Variants in THEMIS observed in about 807,000 individuals in gnomAD.
THEMIS encodes the protein thymocyte selection associated.
In THEMIS, 37 loss-of-function variants were observed where a neutral mutation model predicts 52.6. The ratio of observed to expected loss-of-function variants is 0.70; its 90% CI spans 0.54 to 0.93. The LOEUF (loss-of-function observed/expected upper bound fraction) is 0.93. Among genes scored for constraint, THEMIS ranks in the 40% least tolerant of loss-of-function variants. THEMIS has a pLI of 0.00. For synonymous variants in THEMIS, 292 were observed against 272.7 expected, an observed-to-expected ratio of 1.07 and a Z score of -0.70; for missense variants, 808 against 763.1, an observed-to-expected ratio of 1.06 and a Z score of -0.69.
At chr6:127,759,376 T>C (rs1481604035) in intron 4 of THEMIS, among the ~76,000 whole-genome samples, 1 of 152,196 alleles carries the variant, frequency 6.6e-6, no homozygotes, top group East Asian at 1.9e-4. Flanking sequence ...CCCTAATCAC[T>C]GGACTCATAT....
rs540498836 is a variant in THEMIS, at chr6:127,742,446, ACT to A, written c.1759-22625_1759-22624del. On this transcript the variant is annotated intron_variant, in intron 4 of 5. Transcript: ENST00000368248. ...ATTTAAAAAAAACCTAAAAGCAGAG[ACT>A]CTAACAGATATTTGTAACTAATGTT... Among the ~76,000 whole-genome samples, 504 of 152,222 alleles carry A rather than the reference ACT, an allele frequency of 3.3e-3. 4 individuals are homozygous for A. The highest frequency in any genetic ancestry group is 0.011 in the African/African-American group (462 of 41,530).
intron 1 of THEMIS, chr6:127,910,186 A>G (rs1781375742): frequency 6.6e-6 from 1 of 152,160 alleles, no homozygotes; most frequent in African/African-American, 2.4e-5. Context: ...AAGACTAAGT[A>G]AAAGGCTTGT....
At chr6:127,837,954 T>G (rs1778926035) in intron 2 of THEMIS, among the ~76,000 whole-genome samples, 1 of 152,090 alleles carries the variant, frequency 6.6e-6, no homozygotes, top group Non-Finnish European at 1.5e-5. Flanking sequence ...GGCATTTAAG[T>G]TGATTCTATT....
At chr6:127,714,008 T>G (rs1450546592) in intron 5 of THEMIS, among the ~76,000 whole-genome samples, 1 of 151,822 alleles carries the variant, frequency 6.6e-6, no homozygotes, top group Non-Finnish European at 1.5e-5. Context: ...TAGACTTGGT[T>G]GGTAGCAGTA....
intron 4 of THEMIS, among the ~76,000 whole-genome samples, chr6:127,780,039 C>G (rs1200544159): frequency 6.6e-6 from 1 of 152,160 alleles, no homozygotes; most frequent in African/African-American, 2.4e-5. Flanking sequence ...GTCTAAGTCT[C>G]TTTGTAGGTC....
intron 5 of THEMIS, among the ~76,000 whole-genome samples, chr6:127,718,842 AG>A (rs1300227155): frequency 1.4e-4 from 21 of 151,900 alleles, no homozygotes; most frequent in Admixed American, 1.3e-3. Context: ...GTCAGAAGCC[AG>A]TAAGCTAACT....
chr6:127,824,415 A>G (rs1191108516), intron 3 of THEMIS, among the ~76,000 whole-genome samples: 2 of 152,130 alleles, frequency 1.3e-5, no homozygotes, highest in African/African-American at 4.8e-5. Context: ...CCTAAATTTG[A>G]GGAATGCTGC....
At chr6:127,790,886 G>T (rs1466800249) in intron 4 of THEMIS, among the ~76,000 whole-genome samples, 2 of 152,222 alleles carry the variant, frequency 1.3e-5, no homozygotes, top group African/African-American at 4.8e-5. Context: ...GAGGCACACT[G>T]CAAGTAGCTT....
At chr6:127,805,874 T>C (rs933787235) in intron 4 of THEMIS, among the ~76,000 whole-genome samples, 2 of 152,106 alleles carry the variant, frequency 1.3e-5, no homozygotes, top group Non-Finnish European at 2.9e-5. Context: ...TTGACAAATA[T>C]AGTAATGGAA....
chr6:127,755,917 C>T (rs554361705), intron 4 of THEMIS, among the ~76,000 whole-genome samples: 2 of 151,958 alleles, frequency 1.3e-5, no homozygotes, highest in South Asian at 2.1e-4. Flanking sequence ...CTCCCAGCTA[C>T]TCAGGAGACT....
In THEMIS at chr6:127,812,919, T is replaced by C. The variant is rs375173118; in HGVS notation, c.1722A>G (p.Ala574=). Residue 574 remains alanine, a synonymous_variant, in exon 4 of 6, where the codon GCA becomes GCG. Transcript: ENST00000368248. ...EETKLTLLTL[A]EERTVDLPKS... ...TGGGCAGGTCTACCGTCCTTTCTTC[T>C]GCTAAGGTTAGCAGGGTTAACTTTG... 3.6e-5 allele frequency: 58 copies of C among 1,612,530 alleles called. No homozygotes were observed. The highest frequency in any genetic ancestry group is 4.5e-5 in the Non-Finnish European group (53 of 1,179,262).
chr6:127,813,276 C>T lies in THEMIS; in HGVS notation c.1365G>A (p.Leu455=), dbSNP rs1221376879. The T allele has an allele frequency of 1.2e-6, 2 of 1,614,108 alleles. No homozygotes were observed. The highest frequency in any genetic ancestry group is 1.7e-5 in the Admixed American group (1 of 60,006). ...PISELCKQFR[L]PFNVKVSVRD... is the part of the protein sequence containing the mutation. ...TGACAGACACCTTCACATTGAAGGG[C>T]AAACGGAACTGTTTACAGAGCTCAG... The change falls in exon 4 of 6, where the codon TTG becomes TTA. Residue 455 remains leucine, a synonymous_variant. Transcript: ENST00000368248.
chr6:127,830,777 G>C (rs982107134), intron 2 of THEMIS, among the ~76,000 whole-genome samples: 15 of 152,266 alleles, frequency 9.9e-5, no homozygotes, highest in African/African-American at 3.6e-4. Context: ...TATTCCAAAT[G>C]TACTTAAAGC....
At chr6:127,916,113 TTTAA>T (rs1180466785) in intron 1 of THEMIS, among the ~76,000 whole-genome samples, 1 of 152,002 alleles carries the variant, frequency 6.6e-6, no homozygotes, top group East Asian at 1.9e-4. Flanking sequence ...CCTATATTTG[TTTAA>T]TTAAAAATAT....
intron 1 of THEMIS, among the ~76,000 whole-genome samples, chr6:127,912,056 C>T (rs1283727161): frequency 6.6e-6 from 1 of 152,136 alleles, no homozygotes; most frequent in East Asian, 1.9e-4. Flanking sequence ...TGGGAAGTAC[C>T]CTGCAAAGTC....
chr6:127,913,163 A>G (rs1781449027), intron 1 of THEMIS, among the ~76,000 whole-genome samples: 1 of 152,212 alleles, frequency 6.6e-6, no homozygotes, highest in African/African-American at 2.4e-5. Flanking sequence ...CTGGACATAG[A>G]GCAGAGCATC....
At chr6:127,869,834 A>G (rs1221192556) in intron 1 of THEMIS, among the ~76,000 whole-genome samples, 2 of 152,190 alleles carry the variant, frequency 1.3e-5, no homozygotes, top group Non-Finnish European at 2.9e-5. Context: ...AGCAATAACC[A>G]TTCTAATCTA....
chr6:127,880,023 G>A lies in THEMIS; in HGVS notation c.91+20819C>T, dbSNP rs923526872. ...TTCCTCCATTTTTTAGGCATGCAAT[G>A]CATGTACAGTTGATCTGCCACTTTT... On this transcript the variant is annotated intron_variant, in intron 1 of 5. Transcript: ENST00000368248. Among the ~76,000 whole-genome samples the A allele has an allele frequency of 2.0e-5, 3 of 152,174 alleles. No individual in the cohort carries two copies. The South Asian group carries it at 6.2e-4, about 31-fold the overall frequency.
intron 1 of THEMIS, among the ~76,000 whole-genome samples, chr6:127,869,536 A>T (rs1780090839): frequency 1.3e-5 from 2 of 152,194 alleles, no homozygotes; most frequent in South Asian, 4.1e-4. Context: ...ATCGTAAATC[A>T]AACTACTAAG....
Sources: allele counts gnomAD v4.1 joint callset (sites outside exome capture counted in the v4.1 genomes callset), GRCh38; gene constraint gnomAD v4.1.1; transcripts MANE v1.5; gene names NCBI Gene and HGNC (gene_info 2026-07-23, HGNC 2026-07-21).